The following RGS7 variants were observed in gnomAD, a reference collection of about 807,000 sequenced individuals.
RGS7 encodes regulator of G protein signaling 7.
RGS7 carries 27 observed loss-of-function variants against 81.1 expected under a neutral mutation model. That is an observed-to-expected ratio of 0.33 (90% CI 0.25 to 0.46). The LOEUF (loss-of-function observed/expected upper bound fraction) is 0.46. RGS7 is among the 20% of genes least tolerant of loss of function. The probability of loss-of-function intolerance (pLI) is 1.00; values close to 1 mark genes in which losing one functional copy is unlikely to be tolerated. For missense variants in RGS7, 396 were observed against 607.4 expected, an observed-to-expected ratio of 0.65 and a Z score of 3.66; for synonymous variants, 208 against 207.7, an observed-to-expected ratio of 1.00 and a Z score of -0.01.
At chr1:240,983,214 C>A in intron 3 of RGS7, 85 bp from the exon 4 acceptor site, 1 of 715,360 alleles carries the variant, frequency 1.4e-6, no homozygotes, top group Non-Finnish European at 2.3e-6. Flanking sequence ...ACCTTTGGTG[C>A]TCATATTAGA....
In RGS7 at chr1:240,936,627, C is replaced by T; in HGVS notation, c.306G>A (p.Lys102=). The change falls in exon 5 of 19, where the codon AAG becomes AAA. Residue 102 remains lysine (K), a synonymous_variant. Transcript: ENST00000440928. The stretch of plus-strand genomic sequence containing the variant: ...GAAACCGGTAAAAGGTGCCATCATC[C>T]TTGAGTGTGAGGACATGATCTGAGA... ...FPISDHVLTL[K]DDGTFYRFQT... 1.2e-6 allele frequency: 2 copies of T among 1,614,004 alleles called. No homozygotes were observed. The highest frequency in any genetic ancestry group is 2.2e-5 in the East Asian group (1 of 44,866).
chr1:241,098,621 TA>T, intron 3 of RGS7, 44 bp downstream of exon 3: 1 of 1,281,198 alleles, frequency 7.8e-7, no homozygotes. Context: ...AAGAGTTATC[TA>T]AGAGGTACAG....
At chr1:241,029,531 CAT>C (rs1251617292) in intron 3 of RGS7, among the ~76,000 whole-genome samples, 1 of 152,144 alleles carries the variant, frequency 6.6e-6, no homozygotes, top group African/African-American at 2.4e-5. Flanking sequence ...GGTGTAGTGA[CAT>C]GTGCAAAATA....
chr1:241,078,211 C>G (rs1220064042), intron 3 of RGS7, among the ~76,000 whole-genome samples: 1 of 147,386 alleles, frequency 6.8e-6, no homozygotes, highest in Non-Finnish European at 1.5e-5. Context: ...GGAGAGAGAT[C>G]AGAGGAGCAC....
chr1:241,030,377 T>TATATATAC (rs71793632), intron 3 of RGS7, among the ~76,000 whole-genome samples: 18 of 137,438 alleles, frequency 1.3e-4, no homozygotes, highest in African/African-American at 4.2e-4. Context: ...TATATATACA[T>TATATATAC]ACACACATAC....
intron 3 of RGS7, among the ~76,000 whole-genome samples, chr1:241,063,611 G>A (rs557818819): frequency 6.6e-6 from 1 of 152,200 alleles, no homozygotes; most frequent in East Asian, 1.9e-4. Flanking sequence ...TGCTTTCACC[G>A]GCTTTTGATC....
chr1:240,941,936 A>G (rs1295114328), intron 4 of RGS7, among the ~76,000 whole-genome samples: 2 of 151,530 alleles, frequency 1.3e-5, no homozygotes, highest in Non-Finnish European at 2.9e-5. Context: ...CTTCTCGTAC[A>G]TGTGTTATTC....
intron 9 of RGS7, among the ~76,000 whole-genome samples, chr1:240,844,023 C>T (rs569291444): frequency 6.6e-6 from 1 of 152,164 alleles, no homozygotes; most frequent in Non-Finnish European, 1.5e-5. Flanking sequence ...CCTGTGTGCA[C>T]GTGCATGCCT....
In RGS7 at chr1:240,834,560, G is replaced by C. The variant is rs113569061; in HGVS notation, c.610-7388C>G. Among the ~76,000 whole-genome samples the C allele has an allele frequency of 4.7e-3, 712 of 152,224 alleles. 8 individuals are homozygous for C. Among genetic ancestry groups the C allele is most frequent in the African/African-American group, 0.017 (690 of 41,530 alleles). On this transcript the variant is annotated intron_variant, in intron 9 of 18. Coordinates refer to ENST00000440928, the MANE Select transcript of RGS7 (RefSeq NM_001364886.1). ...GAGTCTCGCTCCACCGCCCAGACTG[G>C]AGTGCAGGGGCGTGACCTCGGCTCA...
intron 2 of RGS7, among the ~76,000 whole-genome samples, chr1:241,134,846 C>A (rs751140860): frequency 2.0e-5 from 3 of 152,168 alleles, no homozygotes; most frequent in Non-Finnish European, 2.9e-5. Context: ...AGGCCCAGTC[C>A]CAAGGCGCAA....
rs1253511537 is a variant in RGS7, at chr1:241,164,203, C to A, written c.79-65441G>T. Among the ~76,000 whole-genome samples the A allele has an allele frequency of 6.6e-6, 1 of 151,714 alleles. No homozygotes were observed. Among genetic ancestry groups the A allele is most frequent in the Non-Finnish European group, 1.5e-5 (1 of 68,002 alleles). ...AGGGTTGTGGAGCTTCCATGACCTTCCTGAATGGCTCCACCCTCCAGGAAC... is the reference window on the plus strand; with the variant it reads ...AGGGTTGTGGAGCTTCCATGACCTTACTGAATGGCTCCACCCTCCAGGAAC... On this transcript the variant is annotated intron_variant, in intron 2 of 18. Transcript: ENST00000440928. This position sits in a 1 kb window ranked among gnomAD's most constrained non-coding sequence, Gnocchi z 4.1.
chr1:241,275,240 G>A (rs1200299499), intron 2 of RGS7, among the ~76,000 whole-genome samples: 1 of 152,224 alleles, frequency 6.6e-6, no homozygotes, highest in Non-Finnish European at 1.5e-5. Flanking sequence ...AATAGCCACA[G>A]TCCAGCAATA....
intron 2 of RGS7, among the ~76,000 whole-genome samples, chr1:241,277,669 A>G (rs552652532): frequency 5.9e-5 from 9 of 152,090 alleles, no homozygotes; most frequent in African/African-American, 1.7e-4. Context: ...GGGTGTAAGC[A>G]TTGCCATCCC....
intron 18 of RGS7, among the ~76,000 whole-genome samples, chr1:240,788,849 T>C (rs1263380167): frequency 6.6e-6 from 1 of 152,112 alleles, no homozygotes; most frequent in Non-Finnish European, 1.5e-5. Flanking sequence ...AGAAAAATAA[T>C]GAAGTAGGCA....
intron 2 of RGS7, among the ~76,000 whole-genome samples, chr1:241,145,945 C>G (rs558123125): frequency 6.6e-6 from 1 of 152,226 alleles, no homozygotes; most frequent in Admixed American, 6.5e-5. Context: ...TAAGATACTT[C>G]TCACTGAAAG....
chr1:241,319,234 A>G (rs924636927), intron 2 of RGS7, among the ~76,000 whole-genome samples: 1 of 152,210 alleles, frequency 6.6e-6, no homozygotes, highest in Non-Finnish European at 1.5e-5. Flanking sequence ...CTCCCTTTCT[A>G]CAATAAAAGC....
intron 18 of RGS7, among the ~76,000 whole-genome samples, chr1:240,792,923 CTAG>C (rs1686255348): frequency 6.6e-6 from 1 of 152,060 alleles, no homozygotes; most frequent in Non-Finnish European, 1.5e-5. Flanking sequence ...ATATAAGAAT[CTAG>C]TAGTGCTTGA....
intron 3 of RGS7, among the ~76,000 whole-genome samples, chr1:241,004,630 G>A (rs2058588668): frequency 6.6e-6 from 1 of 152,172 alleles, no homozygotes; most frequent in Non-Finnish European, 1.5e-5. Context: ...AGTCAACAAA[G>A]TCTGGAATAT....
intron 4 of RGS7, among the ~76,000 whole-genome samples, chr1:240,942,226 T>G (rs1417174298): frequency 1.3e-5 from 2 of 152,158 alleles, no homozygotes; most frequent in Non-Finnish European, 2.9e-5. Flanking sequence ...TTCAAAAAGT[T>G]AACAGGATGA....
Sources: allele counts gnomAD v4.1 joint callset (sites outside exome capture counted in the v4.1 genomes callset), GRCh38; gene constraint gnomAD v4.1.1; non-coding constraint Gnocchi (gnomAD v3.1); transcripts MANE v1.5; gene names NCBI Gene and HGNC (gene_info 2026-07-23, HGNC 2026-07-21).